Variants in IL1RAPL1 observed in about 807,000 individuals in gnomAD.
IL1RAPL1 encodes interleukin 1 receptor accessory protein like 1, also known as interleukin-1 receptor accessory protein-like 1.
IL1RAPL1 carries 3 observed loss-of-function variants against 48.4 expected under a neutral mutation model. That is an observed-to-expected ratio of 0.06 (90% CI 0.03 to 0.16). The LOEUF (loss-of-function observed/expected upper bound fraction) is 0.16, where lower values mean the gene tolerates loss of function less well. IL1RAPL1 is among the 10% of genes least tolerant of loss of function. IL1RAPL1 has a pLI of 1.00. For missense variants in IL1RAPL1, 349 were observed against 530.6 expected, an observed-to-expected ratio of 0.66 and a Z score of 3.36; for synonymous variants, 185 against 187.7, an observed-to-expected ratio of 0.99 and a Z score of 0.12.
intron 2 of IL1RAPL1, among the ~76,000 whole-genome samples, chrX:28,990,271 C>T (rs759589420): frequency 1.3e-4 from 15 of 111,958 alleles, no homozygotes; most frequent in Non-Finnish European, 2.4e-4. Context: ...GTCTGTCCAA[C>T]TTCTGAGCCC....
chrX:29,265,532 A>G (rs62586254), intron 2 of IL1RAPL1, among the ~76,000 whole-genome samples: 51,944 of 103,745 alleles, frequency 0.5, 11,336 homozygotes, highest in Non-Finnish European at 0.65. Context: ...CAGGTTAGTT[A>G]CATATGTATA....
chrX:29,723,363 C>T (rs1356880010), intron 6 of IL1RAPL1, among the ~76,000 whole-genome samples: 1 of 112,130 alleles, frequency 8.9e-6, no homozygotes, highest in Non-Finnish European at 1.9e-5. Context: ...ATTCTCGTGC[C>T]TCAGCCTCCC....
At chrX:29,107,448 A>G in intron 2 of IL1RAPL1, among the ~76,000 whole-genome samples, 1 of 112,131 alleles carries the variant, frequency 8.9e-6, no homozygotes. Context: ...TGCATTTGAG[A>G]GACTTTTCCT....
chrX:28,748,728 G>A (rs756687352), intron 1 of IL1RAPL1, among the ~76,000 whole-genome samples: 56 of 111,303 alleles, frequency 5.0e-4, no homozygotes, highest in African/African-American at 1.8e-3. Flanking sequence ...TATACATTGT[G>A]TAATGTTCAA....
At chrX:29,870,771 A>G (rs1931785199) in intron 6 of IL1RAPL1, among the ~76,000 whole-genome samples, 1 of 112,227 alleles carries the variant, frequency 8.9e-6, no homozygotes, top group Admixed American at 9.4e-5. Context: ...AGATATACCC[A>G]TATCTTGGTA....
At chrX:28,961,805 C>A (rs1348615647) in intron 2 of IL1RAPL1, among the ~76,000 whole-genome samples, 1 of 111,747 alleles carries the variant, frequency 8.9e-6, no homozygotes, top group East Asian at 2.8e-4. Flanking sequence ...TTTAAATGTT[C>A]CATATATTGC....
intron 2 of IL1RAPL1, among the ~76,000 whole-genome samples, chrX:28,968,763 ATGTGCACATTTGTGTGCATGTG>A (rs1342715324): frequency 2.7e-5 from 3 of 112,916 alleles, no homozygotes; most frequent in East Asian, 2.8e-4. Flanking sequence ...ATACTCACAT[ATGTGCACATTTGTGTGCATGTG>A]TGTGCACATA....
chrX:28,832,477 A>T (rs943621184), intron 2 of IL1RAPL1, among the ~76,000 whole-genome samples: 1 of 111,330 alleles, frequency 9.0e-6, no homozygotes, highest in Non-Finnish European at 1.9e-5. Flanking sequence ...TTTCGTCCTG[A>T]AAACTGTTTC....
intron 2 of IL1RAPL1, among the ~76,000 whole-genome samples, chrX:28,830,398 T>C (rs780575566): frequency 3.6e-5 from 4 of 112,001 alleles, no homozygotes; most frequent in Non-Finnish European, 7.5e-5. Context: ...TTGCAGATTC[T>C]TTCTTCTTCC....
At chrX:28,962,643 T>A (rs1282874719) in intron 2 of IL1RAPL1, among the ~76,000 whole-genome samples, 3 of 111,612 alleles carry the variant, frequency 2.7e-5, no homozygotes, top group Non-Finnish European at 5.6e-5. Flanking sequence ...AATAAAAATA[T>A]TATAAATAAA....
intron 5 of IL1RAPL1, among the ~76,000 whole-genome samples, chrX:29,438,329 G>A (rs1934504846): frequency 9.0e-6 from 1 of 111,226 alleles, no homozygotes; most frequent in Admixed American, 9.6e-5. Flanking sequence ...CAAAGAACCA[G>A]TTCATTGCTT....
intron 2 of IL1RAPL1, among the ~76,000 whole-genome samples, chrX:28,916,625 T>TGATCTGGTTGGCCTGACTTGGG (rs1468341315): frequency 4.5e-5 from 5 of 112,283 alleles, no homozygotes; most frequent in Admixed American, 9.5e-5. Flanking sequence ...AAGGGGATGG[T>TGATCTGGTTGGCCTGACTTGGG]GATCTGGTTG....
At chrX:28,981,736 G>T (rs762451888) in intron 2 of IL1RAPL1, among the ~76,000 whole-genome samples, 69 of 111,716 alleles carry the variant, frequency 6.2e-4, no homozygotes, top group Non-Finnish European at 1.1e-3. Context: ...AATAGGGCCT[G>T]GCTCATAGTT....
chrX:29,424,025 T>G (rs965321667), intron 5 of IL1RAPL1, among the ~76,000 whole-genome samples: 4 of 111,335 alleles, frequency 3.6e-5, no homozygotes, highest in South Asian at 3.7e-4. Context: ...AGAGGTAAAT[T>G]ATGCACACAA....
chrX:28,600,241 A>T, intron 1 of IL1RAPL1, among the ~76,000 whole-genome samples: 1 of 112,111 alleles, frequency 8.9e-6, no homozygotes, highest in Non-Finnish European at 1.9e-5. Flanking sequence ...GAAACTAAAT[A>T]CAATGGAGTA....
chrX:29,028,293 T>G (rs768984248), intron 2 of IL1RAPL1, among the ~76,000 whole-genome samples: 4 of 82,078 alleles, frequency 4.9e-5, no homozygotes, highest in Admixed American at 3.9e-4. Context: ...TTTTTGTTTG[T>G]TTTTTTTTTT....
chrX:29,167,560 G>A (rs1052772142), intron 2 of IL1RAPL1, among the ~76,000 whole-genome samples: 6 of 110,334 alleles, frequency 5.4e-5, no homozygotes, highest in Non-Finnish European at 9.5e-5. Context: ...AAGACACTAT[G>A]TTATTTTACT....
intron 5 of IL1RAPL1, among the ~76,000 whole-genome samples, chrX:29,420,789 C>G (rs1934281609): frequency 8.9e-6 from 1 of 112,116 alleles, no homozygotes; most frequent in African/African-American, 3.2e-5. Context: ...TTATCACAAA[C>G]TTCTTAGTAA....
At chrX:28,819,967 GATATAT>G (rs764635166) in intron 2 of IL1RAPL1, among the ~76,000 whole-genome samples, 2,122 of 26,529 alleles carry the variant, frequency 0.08, 58 homozygotes, top group Admixed American at 0.15. Context: ...TAAACATAGT[GATATAT>G]ATATATATAT....
Sources: allele counts gnomAD v4.1 joint callset (sites outside exome capture counted in the v4.1 genomes callset), GRCh38; gene constraint gnomAD v4.1.1; transcripts MANE v1.5; gene names NCBI Gene and HGNC (gene_info 2026-07-23, HGNC 2026-07-21).